The following FHOD3 variants were observed in gnomAD, a reference collection of about 807,000 sequenced individuals.
The protein encoded by FHOD3 is formin homology 2 domain containing 3.
A neutral mutation model predicts 173.0 loss-of-function variants in FHOD3; 90 were observed. The observed-to-expected ratio is 0.52, with a 90% confidence interval of 0.44 to 0.62. FHOD3 has a LOEUF of 0.62. Among genes scored for constraint, FHOD3 ranks in the 20% least tolerant of loss-of-function variants. The pLI is 0.00. For synonymous variants in FHOD3, 828 were observed against 823.0 expected, an observed-to-expected ratio of 1.01 and a Z score of -0.10; for missense variants, 1,945 against 2,034.7, an observed-to-expected ratio of 0.96 and a Z score of 0.85.
intron 5 of FHOD3, among the ~76,000 whole-genome samples, chr18:36,554,639 TA>T (rs1159326407): frequency 6.6e-6 from 1 of 151,806 alleles, no homozygotes; most frequent in Admixed American, 6.6e-5. Context: ...ATAATAATAA[TA>T]AAAAAAAGAA....
intron 20 of FHOD3, 102 bp from the exon 21 acceptor site, chr18:36,740,554 A>G: frequency 8.4e-7 from 1 of 1,194,534 alleles, no homozygotes; most frequent in Non-Finnish European, 1.2e-6. Flanking sequence ...ACATACCTCT[A>G]CTACCTGGTT....
At chr18:36,562,796 C>G (rs1457320003) in intron 5 of FHOD3, among the ~76,000 whole-genome samples, 5 of 152,206 alleles carry the variant, frequency 3.3e-5, no homozygotes, top group African/African-American at 4.8e-5. Context: ...CCTGGCCATA[C>G]AGGAGACTCA....
chr18:36,427,409 G>A (rs911815776), intron 3 of FHOD3, among the ~76,000 whole-genome samples: 12 of 151,974 alleles, frequency 7.9e-5, no homozygotes, highest in African/African-American at 2.7e-4. Context: ...CCTACAGGCG[G>A]CCCCTCTCCA....
intron 17 of FHOD3, among the ~76,000 whole-genome samples, chr18:36,707,236 C>T (rs745982690): frequency 5.3e-5 from 8 of 152,202 alleles, no homozygotes; most frequent in African/African-American, 9.7e-5. Flanking sequence ...AAGCCTTCCC[C>T]TCTTGGGATG....
chr18:36,747,564 A>G (rs1254859194), intron 24 of FHOD3, among the ~76,000 whole-genome samples: 1 of 152,212 alleles, frequency 6.6e-6, no homozygotes, highest in East Asian at 1.9e-4. Flanking sequence ...AGATCCTCCA[A>G]CAGCTGCTTA....
Position 36,744,099 on chromosome 18 carries a change from C to T in FHOD3, c.3947C>T (p.Ser1316Leu), listed in dbSNP as rs776609845. The change falls in exon 23 of 29, where the codon TCG becomes TTG. Residue 1316 changes from serine (S) to leucine (L), a missense_variant. Coordinates refer to ENST00000590592, the MANE Select transcript of FHOD3 (RefSeq NM_001281740.3). The part of the protein sequence containing the change: ...PEVKDTVHKQ[S>L]LLHHVCTMVV... ...GTCAAAGACACAGTGCACAAGCAGT[C>T]GCTTCTCCACCATGTGTGCACCATG... 6.2e-7 allele frequency: 1 copy of T among 1,614,146 alleles called. No homozygotes were observed. The highest frequency in any genetic ancestry group is 8.5e-7 in the Non-Finnish European group (1 of 1,180,024).
At chr18:36,713,216 T>G (rs1336999361) in intron 18 of FHOD3, among the ~76,000 whole-genome samples, 1 of 152,220 alleles carries the variant, frequency 6.6e-6, no homozygotes, top group Non-Finnish European at 1.5e-5. Context: ...TAAATAGACT[T>G]TCTGCTTATG....
chr18:36,687,425 A>T lies in FHOD3; in HGVS notation c.2021+247A>T, dbSNP rs530702191. Among the ~76,000 whole-genome samples, 5 of 152,210 alleles carry T rather than the reference A, an allele frequency of 3.3e-5. No homozygotes were observed. The South Asian group carries it at 1.0e-3, about 32-fold the overall frequency. On this transcript the variant is annotated intron_variant, in intron 16 of 28. Transcript: ENST00000590592. ...TGAGCACGTTTATGTTAGCATAATG[A>T]CATAGGGCATATATTTGAAATACCC...
chr18:36,417,064 T>G (rs1015948390), intron 3 of FHOD3, among the ~76,000 whole-genome samples: 1 of 152,206 alleles, frequency 6.6e-6, no homozygotes, highest in Non-Finnish European at 1.5e-5. Context: ...ATATTTGTAA[T>G]TTTTTAAATT....
At chr18:36,586,460 T>C (rs1314544359) in intron 6 of FHOD3, among the ~76,000 whole-genome samples, 2 of 151,848 alleles carry the variant, frequency 1.3e-5, no homozygotes, top group Admixed American at 1.3e-4. Context: ...TGGTATTCCT[T>C]AGTAAACAAT....
intron 1 of FHOD3, among the ~76,000 whole-genome samples, chr18:36,309,252 A>G (rs796177629): frequency 5.9e-4 from 90 of 152,254 alleles, no homozygotes; most frequent in African/African-American, 2.0e-3. Flanking sequence ...GTTCCTGCCC[A>G]TGCTGAGCCG....
intron 10 of FHOD3, 137 bp from the exon 11 acceptor site, chr18:36,649,179 G>GTTT (rs34031986): frequency 1.9e-4 from 94 of 491,800 alleles, no homozygotes; most frequent in Admixed American, 2.6e-4. Flanking sequence ...CAGCTGGGTG[G>GTTT]TTTTTTTTTT....
intron 3 of FHOD3, among the ~76,000 whole-genome samples, chr18:36,375,226 A>G (rs1231961528): frequency 6.6e-6 from 1 of 152,258 alleles, no homozygotes; most frequent in Non-Finnish European, 1.5e-5. Flanking sequence ...CAAAATGACA[A>G]TCGGAAATAT....
In FHOD3 at chr18:36,747,017, A is replaced by G. The variant is rs1243621698; in HGVS notation, c.4114A>G (p.Lys1372Glu). 3.1e-6 allele frequency: 5 copies of G among 1,613,992 alleles called. No individual in the cohort carries two copies. Among genetic ancestry groups the G allele is most frequent in the African/African-American group, 1.3e-5 (1 of 74,924 alleles). The change falls in exon 24 of 29, where the codon AAG (lysine) becomes GAG (glutamate). Residue 1372 changes from lysine (K) to glutamate (E), a missense_variant. By Grantham distance (56) the Lys-to-Glu change is moderately conservative. This residue lies in a region of FHOD3 where 354 missense variants were observed against 359.9 expected (regional missense o/e 0.98). Coordinates refer to ENST00000590592, the MANE Select transcript of FHOD3 (RefSeq NM_001281740.3). ...ATGCAAAGCTTCATGGGATCACCTC[A>G]AGGCAATTGCAAAACATGAAATGAA... ...RRCKASWDHL[K>E]AIAKHEMKPV...
At chr18:36,668,050 T>G (rs1008474849) in intron 14 of FHOD3, among the ~76,000 whole-genome samples, 1 of 152,176 alleles carries the variant, frequency 6.6e-6, no homozygotes, top group African/African-American at 2.4e-5. Flanking sequence ...AACATACTCC[T>G]TCCTCTTTAG....
chr18:36,622,840 T>C (rs555397277), intron 9 of FHOD3, among the ~76,000 whole-genome samples: 1 of 152,340 alleles, frequency 6.6e-6, no homozygotes, highest in Non-Finnish European at 1.5e-5. Flanking sequence ...TAGCCTAGCA[T>C]GTGCAAACAA....
chr18:36,658,970 G>C (rs1174855121), intron 14 of FHOD3, among the ~76,000 whole-genome samples: 2 of 152,208 alleles, frequency 1.3e-5, no homozygotes, highest in African/African-American at 2.4e-5. Flanking sequence ...TCTGGTGGAA[G>C]CTGTTAGTGT....
intron 5 of FHOD3, among the ~76,000 whole-genome samples, chr18:36,531,741 C>G (rs971540825): frequency 6.6e-6 from 1 of 152,250 alleles, no homozygotes; most frequent in African/African-American, 2.4e-5. Context: ...GTGGAACTCT[C>G]TGGGACTGGC....
intron 6 of FHOD3, among the ~76,000 whole-genome samples, chr18:36,576,875 G>T (rs1385083275): frequency 6.6e-6 from 1 of 152,194 alleles, no homozygotes; most frequent in African/African-American, 2.4e-5. Flanking sequence ...GGCCAAAGCG[G>T]GTGGATCACG....
Sources: gnomAD v4.1 joint callset for allele counts (sites outside exome capture counted in the v4.1 genomes callset) on GRCh38, gnomAD v4.1.1 for gene constraint, gnomAD v4.1.1 regional missense constraint, MANE v1.5 for transcripts, NCBI Gene and HGNC (gene_info 2026-07-23, HGNC 2026-07-21) for gene names.